CFTR: variants seen among roughly 807,000 people sequenced by gnomAD.
CFTR encodes the protein CF transmembrane conductance regulator.
In CFTR, 181 loss-of-function variants were observed where a neutral mutation model predicts 171.6. The observed-to-expected ratio is 1.05, with a 90% CI of 0.93 to 1.19. The LOEUF is 1.19. Ranked by LOEUF, CFTR falls within the 50% of genes most tolerant of loss-of-function variation. The pLI, the probability that CFTR is intolerant of heterozygous loss-of-function variation, is 0.00. For missense variants in CFTR, 1,968 were observed against 1,734.7 expected (o/e 1.13, Z -2.39); for synonymous variants, 583 against 608.0 (o/e 0.96, Z 0.60).
At chr7:117,630,951 TG>T (rs987629220) in intron 22 of CFTR, among the ~76,000 whole-genome samples, 4 of 152,076 alleles carry the variant, frequency 2.6e-5, no homozygotes, top group African/African-American at 9.7e-5. Context: ...AAGGAAGTAA[TG>T]GGAGACAAGA....
intron 3 of CFTR, among the ~76,000 whole-genome samples, chr7:117,526,070 C>A (rs1584783271): frequency 6.6e-6 from 1 of 150,664 alleles, no homozygotes; most frequent in African/African-American, 2.5e-5. Context: ...TCTTTTAGGG[C>A]AGGCCTGGTG....
At chr7:117,562,309 A>G (rs1486409240) in intron 11 of CFTR, among the ~76,000 whole-genome samples, 1 of 152,156 alleles carries the variant, frequency 6.6e-6, no homozygotes, top group Admixed American at 6.6e-5. Context: ...GGTTGGTGTA[A>G]TTAAGGAGAA....
Position 117,513,774 on chromosome 7 carries a change from C to T in CFTR, c.273+4632C>T, listed in dbSNP as rs567250888. On this transcript the variant is annotated intron_variant, in intron 3 of 26. Transcript: ENST00000003084. ...TGTCTGCCATGTAGAATTCCTTTCT[C>T]ATCTTTCTGTCTCACCCCCTTATCT... is the stretch of plus-strand genomic sequence containing the variant. Among the ~76,000 whole-genome samples, 17 of 152,232 alleles carry T rather than the reference C, an allele frequency of 1.1e-4. No homozygotes were observed. The South Asian group carries it at 3.5e-3, about 32-fold the overall frequency.
intron 15 of CFTR, among the ~76,000 whole-genome samples, chr7:117,601,289 C>A (rs897167363): frequency 3.9e-5 from 6 of 151,916 alleles, no homozygotes; most frequent in African/African-American, 1.4e-4. Flanking sequence ...TTCTGGGTTT[C>A]TTTTCATTTT....
At chr7:117,616,220 T>C (rs932395708) in intron 21 of CFTR, 1 of 93,728 alleles carries the variant, frequency 1.1e-5, no homozygotes, top group African/African-American at 4.2e-5. Flanking sequence ...CTAAAGTTGG[T>C]TTCTTTACCT....
At chr7:117,501,748 AAAAAAAAAAAAAAAAAAAAAAAAGAAAC>A (rs958759188) in intron 1 of CFTR, among the ~76,000 whole-genome samples, 7 of 64,614 alleles carry the variant, frequency 1.1e-4, no homozygotes, top group Admixed American at 1.6e-4. Context: ...ACTCTGTCTC[AAAAAAAAAAAAAAAAAAAAAAAAGAAAC>A]AAAAAAAAAA....
chr7:117,645,245 C>T (rs1352150243), intron 23 of CFTR, among the ~76,000 whole-genome samples: 2 of 152,150 alleles, frequency 1.3e-5, no homozygotes, highest in Admixed American at 1.3e-4. Context: ...AATTATTAAA[C>T]TCCTACATGC....
At chr7:117,658,239 A>G (rs950658397) in intron 24 of CFTR, among the ~76,000 whole-genome samples, 2 of 152,306 alleles carry the variant, frequency 1.3e-5, no homozygotes, top group South Asian at 2.1e-4. Flanking sequence ...CTGAATCCCA[A>G]GAGAAAAAAA....
At chr7:117,515,564 A>G (rs891174003) in intron 3 of CFTR, among the ~76,000 whole-genome samples, 1 of 152,010 alleles carries the variant, frequency 6.6e-6, no homozygotes, top group African/African-American at 2.4e-5. Flanking sequence ...GCCTTGTAGT[A>G]TATTTTGAAG....
intron 22 of CFTR, among the ~76,000 whole-genome samples, chr7:117,641,506 C>A (rs1231568451): frequency 6.6e-6 from 1 of 152,146 alleles, no homozygotes; most frequent in Non-Finnish European, 1.5e-5. Context: ...GGCCAAATGA[C>A]TTAAAAACAA....
In CFTR at chr7:117,610,510, A is replaced by T; in HGVS notation, c.2989-9A>T. 6.2e-7 allele frequency: 1 copy of T among 1,611,176 alleles called. No homozygotes were observed. Among genetic ancestry groups the T allele is most frequent in the Non-Finnish European group, 8.5e-7 (1 of 1,178,206 alleles). The stretch of plus-strand genomic sequence containing the variant: ...TTTACTCACCAACATGTTTTCTTTG[A>T]TCTTACAGTTGTTATTAATTGTGAT... On this transcript the variant is annotated splice_polypyrimidine_tract_variant and intron_variant, in intron 18 of 26. Transcript: ENST00000003084.
Position 117,592,588 on chromosome 7 carries a change from A to G in CFTR, c.2421A>G (p.Ile807Met), listed in dbSNP as rs1800103. ...AGGCAAACTTGACTGAACTGGATAT[A>G]TATTCAAGAAGGTTATCTCAAGAAA... Reference protein sequence around the residue: ...APQANLTELDIYSRRLSQETG... With the variant: ...APQANLTELDMYSRRLSQETG... Residue 807 changes from isoleucine to methionine, a missense_variant, in exon 14 of 27, where the codon ATA becomes ATG. Physicochemically the swap from Ile to Met is conservative, Grantham distance 10. Coordinates refer to ENST00000003084, the MANE Select transcript of CFTR (RefSeq NM_000492.4). 1,382 of 1,527,860 alleles carry G rather than the reference A, an allele frequency of 9.0e-4. 7 individuals are homozygous for G. Among genetic ancestry groups the G allele is most frequent in the South Asian group, 5.8e-3 (426 of 73,142 alleles). The allele number at this position is 1,527,860 out of a possible 1,614,324, so 94.6% of individuals were successfully genotyped here. A position where few individuals can be genotyped will look rare whatever the true frequency, so the allele number is the denominator to read the frequency against.
intron 22 of CFTR, among the ~76,000 whole-genome samples, chr7:117,631,823 C>A (rs1336570975): frequency 6.6e-6 from 1 of 152,172 alleles, no homozygotes; most frequent in Non-Finnish European, 1.5e-5. Context: ...CTAAAGAGTT[C>A]ATGGATACGT....
intron 22 of CFTR, among the ~76,000 whole-genome samples, chr7:117,638,511 G>A (rs7779015): frequency 0.032 from 4,902 of 152,036 alleles, 199 homozygotes; most frequent in African/African-American, 0.094. Flanking sequence ...CAAGGCAGGC[G>A]GATCACTTGG....
Position 117,535,797 on chromosome 7 carries a change from G to A in CFTR, c.743+386G>A, listed in dbSNP as rs554463755. On this transcript the variant is annotated intron_variant, in intron 6 of 26. Transcript: ENST00000003084. ...GATCCGCCCACCTCGGCCTCCCAAA[G>A]TACTGATATTACAGGCATGAGCTAC... Among the ~76,000 whole-genome samples the A allele has an allele frequency of 3.9e-5, 6 of 152,196 alleles. No individual in the cohort carries two copies. The East Asian group carries it at 1.2e-3, about 29-fold the overall frequency.
At chr7:117,659,477 A>G (rs1199827763) in intron 24 of CFTR, among the ~76,000 whole-genome samples, 2 of 152,202 alleles carry the variant, frequency 1.3e-5, no homozygotes, top group East Asian at 3.9e-4. Context: ...CATATGTAAT[A>G]GATCATGGAA....
At chr7:117,629,964 G>T (rs1584831422) in intron 22 of CFTR, among the ~76,000 whole-genome samples, 2 of 152,338 alleles carry the variant, frequency 1.3e-5, no homozygotes, top group Admixed American at 1.3e-4. Flanking sequence ...CTTAAACCCA[G>T]ATACCATTGC....
intron 11 of CFTR, among the ~76,000 whole-genome samples, chr7:117,579,992 G>T (rs1319233057): frequency 6.6e-6 from 1 of 151,772 alleles, no homozygotes; most frequent in Non-Finnish European, 1.5e-5. Flanking sequence ...TAACCTGAAG[G>T]TTGGGTAGTA....
intron 3 of CFTR, among the ~76,000 whole-genome samples, chr7:117,513,128 G>A (rs1395216212): frequency 6.6e-6 from 1 of 152,158 alleles, no homozygotes; most frequent in East Asian, 1.9e-4. Context: ...AGATTGATAA[G>A]AGGAAAAGCA....
Sources: gnomAD v4.1 joint callset for allele counts (sites outside exome capture counted in the v4.1 genomes callset) on GRCh38, gnomAD v4.1.1 for gene constraint, MANE v1.5 for transcripts, NCBI Gene and HGNC (gene_info 2026-07-23, HGNC 2026-07-21) for gene names.